The following FRMD5 variants were observed in gnomAD, a reference collection of about 807,000 sequenced individuals.
The protein encoded by FRMD5 is FERM domain containing 5, also known as FERM domain-containing protein 5.
In FRMD5, 20 loss-of-function variants were observed where a neutral mutation model predicts 69.0. The observed-to-expected ratio is 0.29, with a 90% confidence interval of 0.20 to 0.42. FRMD5 has a LOEUF of 0.42. Among genes scored for constraint, FRMD5 ranks in the 10% least tolerant of loss-of-function variants. The pLI is 1.00. For synonymous variants in FRMD5, 271 were observed against 260.1 expected, an observed-to-expected ratio of 1.04 and a Z score of -0.40; for missense variants, 595 against 708.6, an observed-to-expected ratio of 0.84 and a Z score of 1.82.
intron 13 of FRMD5, among the ~76,000 whole-genome samples, chr15:43,881,987 A>G (rs1185618684): frequency 6.6e-6 from 1 of 152,174 alleles, no homozygotes; most frequent in Non-Finnish European, 1.5e-5. Flanking sequence ...CTTCCACACC[A>G]TTAATCCCAG....
chr15:43,990,198 C>T (rs1008670315), intron 1 of FRMD5: 25 of 462,596 alleles, frequency 5.4e-5, no homozygotes, highest in Admixed American at 2.0e-4. Flanking sequence ...GAGCTGGCGG[C>T]GGGTGTGGAC....
intron 1 of FRMD5, among the ~76,000 whole-genome samples, chr15:44,177,260 C>T (rs1428667038): frequency 6.6e-6 from 1 of 152,094 alleles, no homozygotes; most frequent in African/African-American, 2.4e-5. Flanking sequence ...CATGTCCACA[C>T]AAAAACCTGT....
chr15:44,073,731 T>C (rs886718637), intron 1 of FRMD5, among the ~76,000 whole-genome samples: 4 of 152,150 alleles, frequency 2.6e-5, no homozygotes, highest in African/African-American at 9.7e-5. Context: ...TTCCCTCTCC[T>C]GGGGCCATAA....
intron 1 of FRMD5, among the ~76,000 whole-genome samples, chr15:44,003,110 C>T (rs1160651098): frequency 6.6e-6 from 1 of 152,162 alleles, no homozygotes; most frequent in Non-Finnish European, 1.5e-5. Context: ...AGATAAAAAA[C>T]CCTGGAATCA....
chr15:43,954,459 G>T (rs2090083748), intron 1 of FRMD5, among the ~76,000 whole-genome samples: 1 of 152,202 alleles, frequency 6.6e-6, no homozygotes. Flanking sequence ...GGGGATGAGT[G>T]ACAGGACAAA....
At chr15:43,971,458 G>T (rs1385639612) in intron 1 of FRMD5, among the ~76,000 whole-genome samples, 1 of 151,306 alleles carries the variant, frequency 6.6e-6, no homozygotes, top group African/African-American at 2.4e-5. Flanking sequence ...AGGCCAAGAG[G>T]GCGGATCACG....
intron 1 of FRMD5, among the ~76,000 whole-genome samples, chr15:44,018,077 T>A (rs1891052008): frequency 6.6e-6 from 1 of 152,212 alleles, no homozygotes; most frequent in Non-Finnish European, 1.5e-5. Context: ...CAATATTTTA[T>A]CTGAGAATAT....
chr15:43,915,428 G>A (rs191335079), intron 4 of FRMD5, among the ~76,000 whole-genome samples: 3 of 152,306 alleles, frequency 2.0e-5, no homozygotes, highest in Non-Finnish European at 2.9e-5. Flanking sequence ...GACTCCGTTC[G>A]TTCATGTATG....
At chr15:44,075,786 C>T (rs1893733120) in intron 1 of FRMD5, among the ~76,000 whole-genome samples, 1 of 152,136 alleles carries the variant, frequency 6.6e-6, no homozygotes, top group African/African-American at 2.4e-5. Flanking sequence ...AGAGCAGGAG[C>T]TCGTGAAAGC....
At chr15:44,184,981 A>G (rs907273113) in intron 1 of FRMD5, among the ~76,000 whole-genome samples, 5 of 152,372 alleles carry the variant, frequency 3.3e-5, no homozygotes, top group Middle Eastern at 3.4e-3. Context: ...GAATATGGGT[A>G]ATATCTCCTT....
At chr15:43,890,885 G>A (rs1282758197) in intron 8 of FRMD5, among the ~76,000 whole-genome samples, 1 of 152,136 alleles carries the variant, frequency 6.6e-6, no homozygotes, top group Non-Finnish European at 1.5e-5. Flanking sequence ...CTGTCCTCAA[G>A]CTCAAACTCA....
chr15:43,878,750 T>C (rs940926933), intron 13 of FRMD5, among the ~76,000 whole-genome samples: 19 of 152,116 alleles, frequency 1.2e-4, no homozygotes, highest in African/African-American at 1.4e-4. Flanking sequence ...TTTCAAAGTA[T>C]GAAAAGCTTA....
At chr15:44,177,540 G>A (rs942611394) in intron 1 of FRMD5, among the ~76,000 whole-genome samples, 3 of 152,110 alleles carry the variant, frequency 2.0e-5, no homozygotes, top group African/African-American at 7.2e-5. Flanking sequence ...TGTTTGCCTA[G>A]GATAGGGAGC....
chr15:44,060,860 C>T (rs1595681623), intron 1 of FRMD5, among the ~76,000 whole-genome samples: 4 of 152,220 alleles, frequency 2.6e-5, no homozygotes, highest in Admixed American at 2.6e-4. Context: ...GGAACTGAGA[C>T]AGGCCCCTGT....
At chr15:43,887,126 T>C (rs1181879580) in intron 10 of FRMD5, among the ~76,000 whole-genome samples, 3 of 151,520 alleles carry the variant, frequency 2.0e-5, no homozygotes, top group African/African-American at 4.9e-5. Context: ...TTCTGTTTGC[T>C]TCTTCTCTAC....
chr15:43,943,142 G>C (rs2140491729), intron 1 of FRMD5, among the ~76,000 whole-genome samples: 1 of 152,304 alleles, frequency 6.6e-6, no homozygotes, highest in South Asian at 2.1e-4. Context: ...TCGGGAGGCT[G>C]AGGAAGACAG....
At chr15:44,084,713 C>T (rs1894126057) in intron 1 of FRMD5, among the ~76,000 whole-genome samples, 2 of 150,910 alleles carry the variant, frequency 1.3e-5, no homozygotes, top group African/African-American at 5.0e-5. Context: ...GAATTGTACA[C>T]TTTAAATTTA....
intron 1 of FRMD5, among the ~76,000 whole-genome samples, chr15:43,994,574 GCACATGCCAC>G (rs1741738329): frequency 6.6e-6 from 1 of 152,102 alleles, no homozygotes; most frequent in African/African-American, 2.4e-5. Context: ...GGTACTACAG[GCACATGCCAC>G]CACACCCAGC....
intron 1 of FRMD5, among the ~76,000 whole-genome samples, chr15:44,140,160 C>T (rs1431125355): frequency 1.3e-5 from 2 of 151,918 alleles, no homozygotes; most frequent in Non-Finnish European, 2.9e-5. Context: ...GCACATAAGA[C>T]ATTTATAAAA....
Sources: allele counts gnomAD v4.1 joint callset (sites outside exome capture counted in the v4.1 genomes callset), GRCh38; gene constraint gnomAD v4.1.1; transcripts MANE v1.5; gene names NCBI Gene and HGNC (gene_info 2026-07-23, HGNC 2026-07-21).